SAMD9L: variants seen among roughly 807,000 people sequenced by gnomAD.
SAMD9L encodes sterile alpha motif domain containing 9 like.
A neutral mutation model predicts 90.7 loss-of-function variants in SAMD9L; 68 were observed. That is an observed-to-expected ratio of 0.75 (90% CI 0.62 to 0.92). SAMD9L has a LOEUF of 0.92. Among genes scored for constraint, SAMD9L ranks in the 40% least tolerant of loss-of-function variants. SAMD9L has a pLI of 0.00. For missense variants in SAMD9L, 1,604 were observed against 1,824.3 expected (o/e 0.88, Z 2.20); for synonymous variants, 640 against 630.1 (o/e 1.02, Z -0.23).
rs754453650 is a variant in SAMD9L, at chr7:93,133,175, T to C, written c.2797A>G (p.Thr933Ala). 1 of 1,613,558 alleles carries C rather than the reference T, an allele frequency of 6.2e-7. No individual in the cohort carries two copies. The highest frequency in any genetic ancestry group is 8.5e-7 in the Non-Finnish European group (1 of 1,179,752). The change falls in exon 5 of 5, where the codon ACT (threonine) becomes GCT (alanine). Residue 933 changes from threonine to alanine, a missense_variant. Thr to Ala is a moderately conservative substitution (Grantham distance 58, BLOSUM62 0). This residue lies in a region of SAMD9L where 606 missense variants were observed against 717.6 expected (regional missense o/e 0.84). Transcript: ENST00000318238. The part of the protein sequence containing the change: ...SFLALLSSYV[T>A]DSTISVSQCE... Reference sequence around the variant, plus strand: ...TGTGAAACTGAAATTGTAGAGTCAGTAACATAAGAGCTGAGTAAAGCCAGG... The same window carrying C: ...TGTGAAACTGAAATTGTAGAGTCAGCAACATAAGAGCTGAGTAAAGCCAGG...
In SAMD9L at chr7:93,132,511, T is replaced by G; in HGVS notation, c.3461A>C (p.Glu1154Ala). The change falls in exon 5 of 5, where the codon GAA (glutamate) becomes GCA (alanine). Residue 1154 changes from glutamate to alanine, a missense_variant. Glu to Ala is a moderately radical substitution (Grantham distance 107). Transcript: ENST00000318238. ...ITVNDLTHLL[E>A]AAEKASRAFK... Reference sequence around the variant, plus strand: ...AGCTCTTGAGGCTTTTTCCGCAGCTTCTAGGAGATGTGTTAGGTCATTAAC... The same window carrying G: ...AGCTCTTGAGGCTTTTTCCGCAGCTGCTAGGAGATGTGTTAGGTCATTAAC... The G allele has an allele frequency of 6.2e-7, 1 of 1,613,972 alleles. No individual in the cohort carries two copies. The highest frequency in any genetic ancestry group is 8.5e-7 in the Non-Finnish European group (1 of 1,179,858).
chr7:93,146,481 T>G (rs1792896169), intron 2 of SAMD9L, among the ~76,000 whole-genome samples: 1 of 152,234 alleles, frequency 6.6e-6, no homozygotes, highest in South Asian at 2.1e-4. Flanking sequence ...CAACCCATTA[T>G]TCTATGCACT....
In SAMD9L at chr7:93,134,924, T is replaced by C. The variant is rs1792350931; in HGVS notation, c.1048A>G (p.Arg350Gly). 1 of 1,613,558 alleles carries C rather than the reference T, an allele frequency of 6.2e-7. No homozygotes were observed. ...TGCTTGGAATTGGCCAGGATATCCCTAGAGCTAGCCCCTTCTCTTACAAAC... is the reference window on the plus strand; with the variant it reads ...TGCTTGGAATTGGCCAGGATATCCCCAGAGCTAGCCCCTTCTCTTACAAAC... Reference protein sequence around the residue: ...SLFVREGASSRDILANSKQRD... With the variant: ...SLFVREGASSGDILANSKQRD... Residue 350 changes from arginine to glycine, a missense_variant, in exon 5 of 5, where the codon AGG becomes GGG. Arg to Gly is a moderately radical substitution (Grantham distance 125). Transcript: ENST00000318238.
rs967871906 is a variant in SAMD9L at position 93,134,711 on chromosome 7, T to C, written c.1261A>G (p.Thr421Ala). 20 of 1,613,504 alleles carry C rather than the reference T, an allele frequency of 1.2e-5. No homozygotes were observed. The highest frequency in any genetic ancestry group is 1.4e-5 in the Non-Finnish European group (17 of 1,179,932). The part of the protein sequence containing the change: ...NSYYDWYILV[T>A]NKCHPNQIKH... ...ATTTGGTTTGGATGGCATTTATTTGTTACAAGAATGTACCAGTCATAGTAT... is the reference window on the plus strand; with the variant it reads ...ATTTGGTTTGGATGGCATTTATTTGCTACAAGAATGTACCAGTCATAGTAT... Residue 421 changes from threonine (T) to alanine (A), a missense_variant, in exon 5 of 5, where the codon ACA (threonine) becomes GCA (alanine). By Grantham distance (58) the Thr-to-Ala change is moderately conservative (BLOSUM62 0). Around this residue, in one of 7 missense-constraint regions of SAMD9L, gnomAD observed 606 missense variants for 717.6 expected, o/e 0.84. Transcript: ENST00000318238.
At position 93,133,812 on chromosome 7, in the gene SAMD9L, A is replaced by G; in HGVS notation, c.2160T>C (p.Asp720=). The change falls in exon 5 of 5, where the codon GAT becomes GAC. Residue 720 remains aspartate (D), a synonymous_variant. Transcript: ENST00000318238. ...GAGACTCTGCCCAGCAGTGTATTAAATCTTTAAGCTTTTCATAACTGTCCC... is the reference window on the plus strand; with the variant it reads ...GAGACTCTGCCCAGCAGTGTATTAAGTCTTTAAGCTTTTCATAACTGTCCC... ...VKRDSYEKLK[D]LIHCWAESPK... is the part of the protein sequence containing the mutation. The G allele has an allele frequency of 1.2e-6, 2 of 1,613,594 alleles. No homozygotes were observed. The highest frequency in any genetic ancestry group is 1.1e-5 in the South Asian group (1 of 91,016).
chr7:93,132,949 T>C lies in SAMD9L; in HGVS notation c.3023A>G (p.Lys1008Arg). The change falls in exon 5 of 5, where the codon AAA (lysine) becomes AGA (arginine). Residue 1008 changes from lysine to arginine, a missense_variant. Physicochemically the swap from Lys to Arg is conservative, Grantham distance 26. Coordinates refer to ENST00000318238, the MANE Select transcript of SAMD9L (RefSeq NM_152703.5). ...TAATATATTCAATGCAATTTGACAT[T>C]TATCCAAGTGATAGCTTCTTTCCAG... is the stretch of plus-strand genomic sequence containing the variant. ...KELERSYHLD[K>R]CQIALNILEE... 6.2e-7 allele frequency: 1 copy of C among 1,613,484 alleles called. No individual in the cohort carries two copies. Among genetic ancestry groups the C allele is most frequent in the Non-Finnish European group, 8.5e-7 (1 of 1,179,700 alleles).
At position 93,130,529 on chromosome 7, in the gene SAMD9L, G is replaced by T. The variant is rs1231553693; in HGVS notation, c.*688C>A. ...GCTGTATTCACAGGAGACAAAAATG[G>T]CTTAAAGGAAGAGATTCACCTGTAA... On this transcript the variant is annotated 3_prime_UTR_variant, in exon 5 of 5. Transcript: ENST00000318238. 1 of 152,172 alleles carries T rather than the reference G, an allele frequency of 6.6e-6. No individual in the cohort carries two copies. The highest frequency in any genetic ancestry group is 1.5e-5 in the Non-Finnish European group (1 of 68,034). The allele number at this position is 152,172 out of a possible 1,614,324, so 9.4% of individuals were successfully genotyped here.
intron 4 of SAMD9L, among the ~76,000 whole-genome samples, chr7:93,142,573 A>C (rs1400559375): frequency 6.6e-6 from 1 of 152,190 alleles, no homozygotes; most frequent in Non-Finnish European, 1.5e-5. Flanking sequence ...TTGATGTCCT[A>C]TTGTAAGCTC....
At chr7:93,136,984 T>A (rs111682762) in intron 4 of SAMD9L, among the ~76,000 whole-genome samples, 32 of 152,190 alleles carry the variant, frequency 2.1e-4, no homozygotes, top group African/African-American at 7.7e-4. Context: ...GAAATGTAAA[T>A]TCTCAGGCCC....
At chr7:93,142,305 C>T (rs1294833220) in intron 4 of SAMD9L, among the ~76,000 whole-genome samples, 3 of 152,156 alleles carry the variant, frequency 2.0e-5, no homozygotes, top group Non-Finnish European at 2.9e-5. Flanking sequence ...TTTTGCCTGT[C>T]ATTCATGCAT....
intron 4 of SAMD9L, 93 bp downstream of exon 4, chr7:93,144,639 G>C (rs1271577279): frequency 1.3e-5 from 2 of 152,128 alleles, no homozygotes; most frequent in African/African-American, 4.8e-5. Context: ...TCTCTTTAGG[G>C]ACTAAGCAGG....
intron 2 of SAMD9L, among the ~76,000 whole-genome samples, chr7:93,146,593 A>G (rs1035377028): frequency 6.6e-6 from 1 of 152,204 alleles, no homozygotes; most frequent in African/African-American, 2.4e-5. Flanking sequence ...ACATTTTCTT[A>G]GAGTAGTTAA....
chr7:93,131,348 C>T lies in SAMD9L; in HGVS notation c.4624G>A (p.Glu1542Lys), dbSNP rs267601630. Residue 1542 changes from glutamate to lysine, a missense_variant, in exon 5 of 5, where the codon GAA becomes AAA. Around this residue, in one of 7 missense-constraint regions of SAMD9L, gnomAD observed 282 missense variants for 329.6 expected, o/e 0.86. Transcript: ENST00000318238. The stretch of plus-strand genomic sequence containing the variant: ...GATATTACTGGTATTTTTATTTTTT[C>T]CTCTGTTCCATATTCTACAGAGATT... The part of the protein sequence containing the change: ...KLISVEYGTE[E>K]KIKIPVISVY... The T allele has an allele frequency of 6.2e-7, 1 of 1,613,184 alleles. No individual in the cohort carries two copies. Among genetic ancestry groups the T allele is most frequent in the Non-Finnish European group, 8.5e-7 (1 of 1,179,626 alleles).
rs1359745601 is a variant in SAMD9L, at chr7:93,132,628, T to C, written c.3344A>G (p.Lys1115Arg). The stretch of plus-strand genomic sequence containing the variant: ...TAGTGTATCTGAAATATAGGAATTT[T>C]TAGGTGCTTTCATTTTGGCCTGACG... ...WARQAKMKAP[K>R]NSYISDTLGQ... The change falls in exon 5 of 5, where the codon AAA becomes AGA. Residue 1115 changes from lysine to arginine, a missense_variant. Transcript: ENST00000318238. The C allele has an allele frequency of 6.2e-7, 1 of 1,613,532 alleles. No individual in the cohort carries two copies.
Position 93,147,017 on chromosome 7 carries a change from T to C in SAMD9L, c.-913A>G, listed in dbSNP as rs1792919078. 1 of 152,242 alleles carries C rather than the reference T, an allele frequency of 6.6e-6. No homozygotes were observed. Among genetic ancestry groups the C allele is most frequent in the South Asian group, 2.1e-4 (1 of 4,834 alleles). 9.4% of individuals were successfully genotyped at this position (152,242 alleles called of 1,614,324 possible). ...TGCTGTTTTCACCCTCTGCCTTTGCTGGGAAGCTGCTCTTCTGGCAAGGGG... is the reference window on the plus strand; with the variant it reads ...TGCTGTTTTCACCCTCTGCCTTTGCCGGGAAGCTGCTCTTCTGGCAAGGGG... On this transcript the variant is annotated 5_prime_UTR_variant, in exon 2 of 5. Coordinates refer to ENST00000318238, the MANE Select transcript of SAMD9L (RefSeq NM_152703.5).
At chr7:93,136,139 A>C in intron 4 of SAMD9L, 148 bp from the exon 5 acceptor site, 1 of 519,680 alleles carries the variant, frequency 1.9e-6, no homozygotes, top group East Asian at 3.3e-5. Context: ...CTTGATACTT[A>C]CTTTAGCTAT....
intron 4 of SAMD9L, among the ~76,000 whole-genome samples, chr7:93,138,814 T>G (rs1025636330): frequency 3.0e-3 from 1 of 336 alleles, no homozygotes; most frequent in Admixed American, 0.042. Flanking sequence ...TCCCTGATAT[T>G]CCCATCTCTC....
At position 93,145,388 on chromosome 7, in the gene SAMD9L, G is replaced by A. The variant is rs527279486; in HGVS notation, c.-126C>T. On this transcript the variant is annotated 5_prime_UTR_variant, in exon 3 of 5. Transcript: ENST00000318238. ...ACTTTAATGATTAGAAACTTACCAG[G>A]GCTTTTCTGAAAACTTCTATCTTTA... 2 of 152,192 alleles carry A rather than the reference G, an allele frequency of 1.3e-5. No homozygotes were observed. Among genetic ancestry groups the A allele is most frequent in the South Asian group, 4.1e-4 (2 of 4,822 alleles). 9.4% of individuals were successfully genotyped at this position (152,192 alleles called of 1,614,324 possible).
Position 93,136,991 on chromosome 7 carries a change from GC to G in SAMD9L, c.-20-1001del, listed in dbSNP as rs1352074239. On this transcript the variant is annotated intron_variant, in intron 4 of 4. Transcript: ENST00000318238. ...GCTGGCTAGAAATGTAAATTCTCAG[GC>G]CCCCACTTAGACCTACTGAATCAGA... Among the ~76,000 whole-genome samples, 3 of 152,108 alleles carry G rather than the reference GC, an allele frequency of 2.0e-5. No homozygotes were observed. The East Asian group carries it at 5.8e-4, about 29-fold the overall frequency.
Sources: allele counts gnomAD v4.1 joint callset (sites outside exome capture counted in the v4.1 genomes callset), GRCh38; gene constraint gnomAD v4.1.1; regional missense constraint gnomAD v4.1.1; transcripts MANE v1.5; gene names NCBI Gene and HGNC (gene_info 2026-07-23, HGNC 2026-07-21).